SASH1: variants seen among roughly 807,000 people sequenced by gnomAD.
The protein encoded by SASH1 is SAM and SH3 domain containing 1.
In SASH1, 44 loss-of-function variants were observed where a neutral mutation model predicts 125.2. The observed-to-expected ratio is 0.35, with a 90% CI of 0.28 to 0.45. The LOEUF (loss-of-function observed/expected upper bound fraction) is 0.45. Ranked by LOEUF, SASH1 falls within the 20% of genes least tolerant of loss-of-function variation. The probability of loss-of-function intolerance (pLI) is 1.00; values close to 1 mark genes in which losing one functional copy is unlikely to be tolerated. For synonymous variants in SASH1, 639 were observed against 649.1 expected, an observed-to-expected ratio of 0.98 and a Z score of 0.24; for missense variants, 1,426 against 1,614.5, an observed-to-expected ratio of 0.88 and a Z score of 2.00.
chr6:148,540,629 G>A, intron 17 of SASH1, 73 bp downstream of exon 17: 1 of 1,123,508 alleles, frequency 8.9e-7, no homozygotes, highest in South Asian at 1.3e-5. Flanking sequence ...TCTGCAAAAG[G>A]ACGATTCTAT....
chr6:148,538,081 T>C (rs1781977646), intron 16 of SASH1, among the ~76,000 whole-genome samples: 1 of 152,168 alleles, frequency 6.6e-6, no homozygotes, highest in Non-Finnish European at 1.5e-5. Flanking sequence ...CACCTCTTTT[T>C]CTCTTCTCCC....
chr6:148,284,894 A>G (rs1026181767), intron 1 of SASH1, among the ~76,000 whole-genome samples: 2 of 152,218 alleles, frequency 1.3e-5, no homozygotes, highest in Admixed American at 6.5e-5. Context: ...GCCAAAGGGT[A>G]TGAACGTTTT....
intron 1 of SASH1, among the ~76,000 whole-genome samples, chr6:148,358,727 G>GTTT (rs1554242358): frequency 3.3e-4 from 33 of 98,784 alleles, no homozygotes; most frequent in African/African-American, 1.0e-3. Context: ...CTAATGCCAT[G>GTTT]TTTTTGTTTT....
At chr6:148,537,473 A>G (rs1455021102) in intron 16 of SASH1, among the ~76,000 whole-genome samples, 1 of 152,262 alleles carries the variant, frequency 6.6e-6, no homozygotes, top group African/African-American at 2.4e-5. Context: ...AGCCATTTCT[A>G]AGTATAAACA....
chr6:148,283,803 A>T (rs1282273626), intron 1 of SASH1, among the ~76,000 whole-genome samples: 1 of 152,090 alleles, frequency 6.6e-6, no homozygotes, highest in Non-Finnish European at 1.5e-5. Flanking sequence ...ACTTGTGTGT[A>T]TCTGACTACC....
chr6:148,403,937 T>G (rs987326612), intron 2 of SASH1, among the ~76,000 whole-genome samples: 25 of 152,242 alleles, frequency 1.6e-4, no homozygotes, highest in Admixed American at 1.3e-4. Flanking sequence ...GTACCTTTAT[T>G]CCTAATTCCA....
chr6:148,393,726 A>G, intron 2 of SASH1: 2 of 985,312 alleles, frequency 2.0e-6, no homozygotes, highest in Non-Finnish European at 1.2e-6. Flanking sequence ...GGGAGAAAAC[A>G]CCACATGAGC....
At chr6:148,493,975 T>C (rs1362676098) in intron 8 of SASH1, among the ~76,000 whole-genome samples, 1 of 152,130 alleles carries the variant, frequency 6.6e-6, no homozygotes, top group Non-Finnish European at 1.5e-5. Flanking sequence ...ATTGTAAGAG[T>C]TCTCAAGCTT....
chr6:148,424,030 A>G (rs796644975), intron 2 of SASH1, among the ~76,000 whole-genome samples: 7 of 151,286 alleles, frequency 4.6e-5, no homozygotes, highest in African/African-American at 1.7e-4. Flanking sequence ...AAAAATCCCC[A>G]TCCCAGACAG....
chr6:148,496,559 C>T (rs921322936), intron 8 of SASH1, among the ~76,000 whole-genome samples: 1 of 151,776 alleles, frequency 6.6e-6, no homozygotes, highest in African/African-American at 2.4e-5. Flanking sequence ...TGTAGATGAA[C>T]CCTTTTCAAA....
At chr6:148,220,657 G>A in the SASH1 span, among the ~76,000 whole-genome samples, 1 of 152,206 alleles carries the variant, frequency 6.6e-6, no homozygotes, top group Non-Finnish European at 1.5e-5. Flanking sequence ...GCTCATGCCT[G>A]TAATCCCAGC....
intron 1 of SASH1, among the ~76,000 whole-genome samples, chr6:148,355,494 G>A (rs1014732882): frequency 2.0e-5 from 3 of 152,192 alleles, no homozygotes; most frequent in African/African-American, 7.2e-5. Context: ...TCTTCATGAT[G>A]TAACTTTAGC....
Position 148,493,186 on chromosome 6 carries a change from T to C in SASH1, c.729+5471T>C, listed in dbSNP as rs1034374742. 2.0e-5 allele frequency among the ~76,000 whole-genome samples: 3 copies of C among 152,350 alleles called. No individual in the cohort carries two copies. The East Asian group carries it at 5.8e-4, about 29-fold the overall frequency. On this transcript the variant is annotated intron_variant, in intron 8 of 19. Transcript: ENST00000367467. ...TTCTGCCAACACCCATGCCCACCTC[T>C]GGTCATGCTGTTCAGAGCTACAACC... is the stretch of plus-strand genomic sequence containing the variant.
intron 1 of SASH1, among the ~76,000 whole-genome samples, chr6:148,300,542 G>A (rs187759581): frequency 1.8e-4 from 27 of 147,920 alleles, no homozygotes; most frequent in Middle Eastern, 3.6e-3. Context: ...TCTGCCTCCC[G>A]GGTTCCAGTG....
chr6:148,436,553 G>A (rs1776298002), intron 2 of SASH1, among the ~76,000 whole-genome samples: 2 of 151,890 alleles, frequency 1.3e-5, no homozygotes, highest in Non-Finnish European at 2.9e-5. Flanking sequence ...AACCAAAGGG[G>A]CAATACAGCT....
intron 1 of SASH1, among the ~76,000 whole-genome samples, chr6:148,329,706 G>A (rs1780934681): frequency 6.6e-6 from 1 of 152,132 alleles, no homozygotes; most frequent in Non-Finnish European, 1.5e-5. Flanking sequence ...CTCTAGAGAG[G>A]AACATGGCCT....
chr6:148,452,865 G>C (rs1334533052), intron 4 of SASH1, among the ~76,000 whole-genome samples: 2 of 152,214 alleles, frequency 1.3e-5, no homozygotes, highest in Non-Finnish European at 2.9e-5. Context: ...TTTCTTTTGT[G>C]ATGCCTGCAA....
intron 7 of SASH1, among the ~76,000 whole-genome samples, chr6:148,481,902 G>T (rs552623732): frequency 6.6e-6 from 1 of 152,156 alleles, no homozygotes; most frequent in Non-Finnish European, 1.5e-5. Context: ...TTCGATGCAG[G>T]GCTGCCACAA....
intron 2 of SASH1, among the ~76,000 whole-genome samples, chr6:148,394,359 C>A (rs890997293): frequency 1.3e-5 from 2 of 152,168 alleles, no homozygotes; most frequent in Non-Finnish European, 2.9e-5. Context: ...ATCATTTAGG[C>A]TATGATACAA....
Sources: allele counts gnomAD v4.1 joint callset (sites outside exome capture counted in the v4.1 genomes callset), GRCh38; gene constraint gnomAD v4.1.1; transcripts MANE v1.5; gene names NCBI Gene and HGNC (gene_info 2026-07-23, HGNC 2026-07-21).